The following DLG2 variants were observed in gnomAD, a reference collection of about 807,000 sequenced individuals.
The protein encoded by DLG2 is disks large homolog 2.
DLG2 carries 45 observed loss-of-function variants against 132.5 expected under a neutral mutation model. That is an observed-to-expected ratio of 0.34 (90% CI 0.27 to 0.44). The LOEUF (loss-of-function observed/expected upper bound fraction) is 0.44, where lower values mean the gene tolerates loss of function less well. Among genes scored for constraint, DLG2 ranks in the 20% least tolerant of loss-of-function variants. The pLI is 1.00. For missense variants in DLG2, 1,045 were observed against 1,196.9 expected (o/e 0.87, Z 1.87); for synonymous variants, 424 against 419.6 (o/e 1.01, Z -0.13).
chr11:85,468,995 A>T (rs2092899128), intron 3 of DLG2, among the ~76,000 whole-genome samples: 1 of 151,940 alleles, frequency 6.6e-6, no homozygotes, highest in African/African-American at 2.4e-5. Context: ...AGGTGGTTTC[A>T]CTCTTTCCTT....
chr11:84,405,899 A>G (rs2098847117), intron 7 of DLG2, among the ~76,000 whole-genome samples: 1 of 152,038 alleles, frequency 6.6e-6, no homozygotes, highest in African/African-American at 2.4e-5. Context: ...AGGATCCCTT[A>G]CTTCTTTGCC....
intron 22 of DLG2, among the ~76,000 whole-genome samples, chr11:83,475,833 G>A (rs529179403): frequency 6.6e-6 from 1 of 151,710 alleles, no homozygotes; most frequent in South Asian, 2.1e-4. Flanking sequence ...CTCAGGAGGG[G>A]TTGGCACTTC....
chr11:84,616,886 AC>A (rs1458914942), intron 6 of DLG2, among the ~76,000 whole-genome samples: 1 of 152,122 alleles, frequency 6.6e-6, no homozygotes, highest in Non-Finnish European at 1.5e-5. Flanking sequence ...CAATGGGTAA[AC>A]TAAAGCACAG....
rs181375372 is a variant in DLG2 at position 84,493,920 on chromosome 11, G to A, written c.519+40650C>T. Among the ~76,000 whole-genome samples the A allele has an allele frequency of 2.0e-3, 300 of 152,232 alleles. 2 individuals carry two copies. The South Asian group carries it at 0.023, about 12-fold the overall frequency. ...GCTGAGGTAAGTATCTTGGCCCCAG[G>A]TAGAATTAATGAGGAATTTTTAAGA... On this transcript the variant is annotated intron_variant, in intron 7 of 27. Coordinates refer to ENST00000376104, the MANE Select transcript of DLG2 (RefSeq NM_001142699.3).
intron 17 of DLG2, among the ~76,000 whole-genome samples, chr11:83,814,261 G>A (rs1480459026): frequency 6.6e-6 from 1 of 152,108 alleles, no homozygotes; most frequent in Non-Finnish European, 1.5e-5. Context: ...CTTAGGAATT[G>A]TAAAAAATAA....
chr11:85,600,307 C>T (rs2080063229), intron 2 of DLG2, among the ~76,000 whole-genome samples: 1 of 152,226 alleles, frequency 6.6e-6, no homozygotes, highest in African/African-American at 2.4e-5. Flanking sequence ...CCCATCATTA[C>T]TAAATCCAGC....
At chr11:83,662,309 G>A (rs1445607093) in intron 18 of DLG2, among the ~76,000 whole-genome samples, 2 of 152,160 alleles carry the variant, frequency 1.3e-5, no homozygotes, top group East Asian at 3.9e-4. Flanking sequence ...AGTCAATACA[G>A]ATTGAAAATG....
intron 8 of DLG2, chr11:84,166,832 G>T: frequency 2.1e-6 from 1 of 479,520 alleles, no homozygotes. Context: ...ACTTGCCTTG[G>T]TGTCTCATAT....
chr11:83,597,290 CT>C (rs112025561), intron 19 of DLG2, among the ~76,000 whole-genome samples: 2,655 of 152,252 alleles, frequency 0.017, 68 homozygotes, highest in African/African-American at 0.061. Context: ...TAATTCAACT[CT>C]GTGCCTCCAC....
chr11:84,680,028 G>T (rs1397150754), intron 6 of DLG2, among the ~76,000 whole-genome samples: 1 of 152,052 alleles, frequency 6.6e-6, no homozygotes, highest in East Asian at 1.9e-4. Flanking sequence ...AGTAATACTA[G>T]GTTATCAGGT....
At chr11:84,640,651 C>T (rs1222533526) in intron 6 of DLG2, 1 of 179,320 alleles carries the variant, frequency 5.6e-6, no homozygotes, top group African/African-American at 2.4e-5. Flanking sequence ...CAATAAAAGA[C>T]CTATTGATGG....
Position 84,556,885 on chromosome 11 carries a change from C to T in DLG2, c.358-22154G>A, listed in dbSNP as rs1198041588. ...CCCTACATAACAAAGTAATTTACAT[C>T]AGCTATACAATCTATAAGGAATAAT... On this transcript the variant is annotated intron_variant, in intron 6 of 27. Coordinates refer to ENST00000376104, the MANE Select transcript of DLG2 (RefSeq NM_001142699.3). Among the ~76,000 whole-genome samples the T allele has an allele frequency of 2.0e-5, 3 of 152,254 alleles. No homozygotes were observed. In the East Asian group the frequency reaches 5.8e-4, roughly 29 times the overall value.
intron 5 of DLG2, among the ~76,000 whole-genome samples, chr11:85,141,830 G>A (rs987532665): frequency 6.6e-6 from 1 of 151,754 alleles, no homozygotes; most frequent in Admixed American, 6.6e-5. Flanking sequence ...CCCAAAATAT[G>A]TTCTTCACAC....
chr11:85,128,865 G>A (rs2075414174), intron 5 of DLG2, among the ~76,000 whole-genome samples: 1 of 152,090 alleles, frequency 6.6e-6, no homozygotes, highest in African/African-American at 2.4e-5. Context: ...GTTATAAATT[G>A]TGAGTTGCTG....
intron 19 of DLG2, among the ~76,000 whole-genome samples, chr11:83,562,946 C>CTGTTTTT (rs1331194852): frequency 7.9e-6 from 1 of 126,746 alleles, no homozygotes; most frequent in Non-Finnish European, 1.8e-5. Flanking sequence ...AGTAATGTTT[C>CTGTTTTT]TGTTTTTGTT....
At chr11:83,991,073 C>A (rs2093683825) in intron 11 of DLG2, among the ~76,000 whole-genome samples, 1 of 152,086 alleles carries the variant, frequency 6.6e-6, no homozygotes, top group Non-Finnish European at 1.5e-5. Context: ...GAAAATTTTG[C>A]TTTAACAAAT....
intron 14 of DLG2, among the ~76,000 whole-genome samples, chr11:83,949,060 T>A (rs2084768993): frequency 6.6e-6 from 1 of 152,236 alleles, no homozygotes; most frequent in Admixed American, 6.5e-5. Flanking sequence ...TTAACATTAA[T>A]TCAAAATGAA....
intron 4 of DLG2, among the ~76,000 whole-genome samples, chr11:85,191,518 C>T (rs61120596): frequency 0.012 from 1,805 of 152,190 alleles, 27 homozygotes; most frequent in African/African-American, 0.039. Flanking sequence ...TTTACTGACA[C>T]GCTCTCAGAA....
At chr11:83,551,813 A>G (rs956434221) in intron 19 of DLG2, among the ~76,000 whole-genome samples, 1 of 152,206 alleles carries the variant, frequency 6.6e-6, no homozygotes, top group Non-Finnish European at 1.5e-5. Flanking sequence ...GAAATGAGAT[A>G]ATATTCATTT....
Sources: allele counts gnomAD v4.1 joint callset (sites outside exome capture counted in the v4.1 genomes callset), GRCh38; gene constraint gnomAD v4.1.1; transcripts MANE v1.5; gene names NCBI Gene and HGNC (gene_info 2026-07-23, HGNC 2026-07-21).